Variants in ZNF33A observed in about 807,000 individuals in gnomAD.
ZNF33A encodes the protein zinc finger protein 33A, also known as brain my041 protein.
A neutral mutation model predicts 15.9 loss-of-function variants in ZNF33A; 9 were observed. The observed-to-expected ratio is 0.57, with a 90% CI of 0.34 to 0.99. ZNF33A has a LOEUF of 0.99. Ranked by LOEUF, ZNF33A falls within the 50% of genes least tolerant of loss-of-function variation. ZNF33A has a pLI of 0.02. For missense variants in ZNF33A, 843 were observed against 941.6 expected (o/e 0.90, Z 1.37); for synonymous variants, 294 against 324.2 (o/e 0.91, Z 1.00).
Position 38,047,624 on chromosome 10 carries a change from C to CAAAAA in ZNF33A, c.251-6715_251-6711dup, listed in dbSNP as rs554054575. Among the ~76,000 whole-genome samples the CAAAAA allele has an allele frequency of 4.6e-3, 344 of 74,994 alleles. 18 individuals carry two copies. The highest frequency in any genetic ancestry group is 6.6e-3 in the Non-Finnish European group (258 of 39,342). The allele number at this position is 74,994 out of a possible 152,430, so 49.2% of individuals were successfully genotyped here. On this transcript the variant is annotated intron_variant, in intron 4 of 4. Transcript: ENST00000432900. ...CTGGCGATAGAGCAAGACTCTGTCT[C>CAAAAA]AAAAAAAAAAAAAAAAAAAAAAAAA...
At chr10:38,040,414 T>C (rs2065646786) in intron 4 of ZNF33A, among the ~76,000 whole-genome samples, 1 of 152,202 alleles carries the variant, frequency 6.6e-6, no homozygotes, top group East Asian at 1.9e-4. Flanking sequence ...GCAATAAGTA[T>C]TGTAGACTTG....
intron 2 of ZNF33A, among the ~76,000 whole-genome samples, chr10:38,013,892 G>C (rs530218891): frequency 6.6e-6 from 1 of 151,972 alleles, no homozygotes; most frequent in Admixed American, 6.6e-5. Flanking sequence ...TGAAGCTGCC[G>C]TCTTGTCCCC....
rs181261342 is a variant in ZNF33A at position 38,044,398 on chromosome 10, C to T, written c.251-9977C>T. 4.7e-3 allele frequency among the ~76,000 whole-genome samples: 700 copies of T among 150,416 alleles called. 4 individuals are homozygous for T. The highest frequency in any genetic ancestry group is 0.015 in the African/African-American group (628 of 41,094). ...CTAATTTTTCTGTTTTTAGTAGAGA[C>T]GGGGTTTCACCACATTGGTCAGTCT... On this transcript the variant is annotated intron_variant, in intron 4 of 4. Transcript: ENST00000432900.
At chr10:38,029,176 AGT>A (rs1188889571) in intron 4 of ZNF33A, among the ~76,000 whole-genome samples, 3 of 152,118 alleles carry the variant, frequency 2.0e-5, no homozygotes, top group Non-Finnish European at 4.4e-5. Flanking sequence ...TCCAGATTAG[AGT>A]CTAGTTTGTT....
upstream of ZNF33A, chr10:38,010,560 A>G: frequency 2.5e-6 from 2 of 808,916 alleles, no homozygotes; most frequent in Admixed American, 3.6e-5. Flanking sequence ...TTCTCTACCA[A>G]TCCGAAGGGC....
In ZNF33A at chr10:38,056,392, A is replaced by G; in HGVS notation, c.2268A>G (p.Lys756=). The G allele has an allele frequency of 6.2e-7, 1 of 1,614,150 alleles. No individual in the cohort carries two copies. Among genetic ancestry groups the G allele is most frequent in the Non-Finnish European group, 8.5e-7 (1 of 1,179,984 alleles). The change falls in exon 5 of 5, where the codon AAA becomes AAG. Residue 756 remains lysine, a synonymous_variant. Coordinates refer to ENST00000432900, the MANE Select transcript of ZNF33A (RefSeq NM_006954.2). The part of the protein sequence containing the change: ...EKPYECNTCR[K]TFSQKSNLIV... ...CCTATGAATGTAACACATGCAGGAA[A>G]ACTTTCTCTCAAAAGTCAAATCTCA...
Position 38,058,622 on chromosome 10 carries a change from T to G in ZNF33A, c.*2062T>G, listed in dbSNP as rs557015340. 1 of 152,094 alleles carries G rather than the reference T, an allele frequency of 6.6e-6. No homozygotes were observed. Among genetic ancestry groups the G allele is most frequent in the Non-Finnish European group, 1.5e-5 (1 of 68,004 alleles). The allele number at this position is 152,094 out of a possible 1,614,324, so 9.4% of individuals were successfully genotyped here. On this transcript the variant is annotated 3_prime_UTR_variant, in exon 5 of 5. Transcript: ENST00000432900. ...CCCTATCTACTAAAAATACAAAAAA[T>G]TAGCTGGGCATGGTGGCATGCGTGT...
chr10:38,065,327 C>A (rs557074968), downstream of ZNF33A, among the ~76,000 whole-genome samples: 4 of 152,236 alleles, frequency 2.6e-5, no homozygotes, highest in South Asian at 2.1e-4. Flanking sequence ...CGCCTTGGCT[C>A]CCAAAGTGCT....
chr10:38,050,025 C>T (rs770703055), intron 4 of ZNF33A, among the ~76,000 whole-genome samples: 1 of 152,100 alleles, frequency 6.6e-6, no homozygotes, highest in African/African-American at 2.4e-5. Context: ...AAATAGATAA[C>T]CTTTCCACAA....
At chr10:38,049,440 C>A (rs1332301147) in intron 4 of ZNF33A, among the ~76,000 whole-genome samples, 1 of 152,004 alleles carries the variant, frequency 6.6e-6, no homozygotes, top group Non-Finnish European at 1.5e-5. Context: ...TTAGGCAACA[C>A]AAATATGCAT....
downstream of ZNF33A, among the ~76,000 whole-genome samples, chr10:38,065,660 G>A (rs1293162910): frequency 5.3e-5 from 8 of 151,408 alleles, no homozygotes; most frequent in African/African-American, 1.7e-4. Context: ...ACCAACTCCA[G>A]TGGGCTGGTT....
chr10:38,037,515 G>A (rs1276388891), intron 4 of ZNF33A, among the ~76,000 whole-genome samples: 1 of 151,828 alleles, frequency 6.6e-6, no homozygotes, highest in South Asian at 2.1e-4. Context: ...TAGTAGAGAT[G>A]GAGTTTCGTC....
intron 4 of ZNF33A, among the ~76,000 whole-genome samples, chr10:38,048,477 C>T (rs1000664207): frequency 8.6e-5 from 13 of 151,534 alleles, no homozygotes; most frequent in Middle Eastern, 6.8e-3. Context: ...TGGTCTAAAA[C>T]ACCCCATTTA....
At chr10:38,014,501 A>G (rs1302677346) in intron 2 of ZNF33A, among the ~76,000 whole-genome samples, 9 of 152,192 alleles carry the variant, frequency 5.9e-5, no homozygotes, top group Non-Finnish European at 1.3e-4. Context: ...TGGCATTCAC[A>G]TTTACATCTC....
chr10:38,063,849 A>G (rs2505219), downstream of ZNF33A, among the ~76,000 whole-genome samples: 9,115 of 152,198 alleles, frequency 0.06, 349 homozygotes, highest in Middle Eastern at 0.095. Context: ...GTTCTGGTTT[A>G]TGCATTGTCC....
chr10:38,061,163 G>A (rs923873517), downstream of ZNF33A, among the ~76,000 whole-genome samples: 1 of 152,114 alleles, frequency 6.6e-6, no homozygotes, highest in Non-Finnish European at 1.5e-5. Flanking sequence ...CCTGGCTTGG[G>A]CATGCAGATG....
intron 4 of ZNF33A, among the ~76,000 whole-genome samples, chr10:38,040,733 A>G (rs1469497050): frequency 2.0e-5 from 3 of 152,104 alleles, no homozygotes; most frequent in African/African-American, 7.2e-5. Flanking sequence ...ACTTTTGACA[A>G]CCTGAGAATT....
chr10:38,027,834 C>T (rs2065048994), intron 4 of ZNF33A, among the ~76,000 whole-genome samples: 1 of 152,138 alleles, frequency 6.6e-6, no homozygotes, highest in Admixed American at 6.6e-5. Context: ...ATGACTTAAT[C>T]TATTTTGGGT....
chr10:38,063,518 G>A (rs1253638748), downstream of ZNF33A, among the ~76,000 whole-genome samples: 1 of 143,138 alleles, frequency 7.0e-6, no homozygotes, highest in Non-Finnish European at 1.6e-5. Flanking sequence ...TTTGTTCAGT[G>A]ATTTCATGGA....
Sources: allele counts gnomAD v4.1 joint callset (sites outside exome capture counted in the v4.1 genomes callset), GRCh38; gene constraint gnomAD v4.1.1; transcripts MANE v1.5; gene names NCBI Gene and HGNC (gene_info 2026-07-23, HGNC 2026-07-21).